The following MBD2 variants were observed in gnomAD, a reference collection of about 807,000 sequenced individuals.
The protein encoded by MBD2 is methyl-CpG binding domain protein 2, also known as methyl-CpG-binding domain protein 2.
Under a neutral mutation model 39.3 loss-of-function variants are expected in MBD2, and 9 were observed. The ratio of observed to expected loss-of-function variants is 0.23; its 90% CI spans 0.14 to 0.40. The LOEUF is 0.40. MBD2 is among the 10% of genes least tolerant of loss of function. The probability of loss-of-function intolerance (pLI) is 1.00; values close to 1 mark genes in which losing one functional copy is unlikely to be tolerated. For missense variants in MBD2, 458 were observed against 532.6 expected (o/e 0.86, Z 1.38); for synonymous variants, 233 against 211.1 (o/e 1.10, Z -0.90).
At chr18:54,167,913 A>C (rs1265319122) in intron 3 of MBD2, among the ~76,000 whole-genome samples, 1 of 151,642 alleles carries the variant, frequency 6.6e-6, no homozygotes, top group Non-Finnish European at 1.5e-5. Context: ...TCTCTGGTGG[A>C]ATAACATCAT....
At chr18:54,217,778 G>A (rs1327120326) in intron 1 of MBD2, among the ~76,000 whole-genome samples, 1 of 152,198 alleles carries the variant, frequency 6.6e-6, no homozygotes, top group Non-Finnish European at 1.5e-5. Flanking sequence ...GAATGTATAT[G>A]CATCAGTTCC....
intron 1 of MBD2, among the ~76,000 whole-genome samples, chr18:54,211,411 A>G (rs564705928): frequency 1.3e-5 from 2 of 151,242 alleles, no homozygotes; most frequent in South Asian, 2.1e-4. Flanking sequence ...ACACACACAC[A>G]CACGCACACA....
At chr18:54,205,494 G>A (rs1312459071) in intron 1 of MBD2, among the ~76,000 whole-genome samples, 2 of 151,502 alleles carry the variant, frequency 1.3e-5, no homozygotes, top group Non-Finnish European at 2.9e-5. Context: ...AGGAAGCTGA[G>A]GCAGGAGAAT....
intron 5 of MBD2, among the ~76,000 whole-genome samples, chr18:54,162,816 T>C (rs1340637338): frequency 1.3e-5 from 2 of 152,240 alleles, no homozygotes; most frequent in East Asian, 1.9e-4. Context: ...TTCATATTCA[T>C]ATGCAATCAA....
chr18:54,220,710 T>C (rs896493601), intron 1 of MBD2, among the ~76,000 whole-genome samples: 1 of 152,218 alleles, frequency 6.6e-6, no homozygotes, highest in Non-Finnish European at 1.5e-5. Flanking sequence ...AATTTTTAAA[T>C]ATGGGGACAC....
At chr18:54,204,051 T>A (rs1356860380) in intron 2 of MBD2, among the ~76,000 whole-genome samples, 2 of 152,236 alleles carry the variant, frequency 1.3e-5, no homozygotes, top group African/African-American at 4.8e-5. Flanking sequence ...CATGCCTTCC[T>A]GGGTCCAAAG....
chr18:54,201,644 C>A (rs968447608), intron 2 of MBD2, among the ~76,000 whole-genome samples: 1 of 151,982 alleles, frequency 6.6e-6, no homozygotes, highest in Non-Finnish European at 1.5e-5. Flanking sequence ...GGGCAGATCA[C>A]GAGGTCAGGA....
chr18:54,205,164 G>A lies in MBD2; in HGVS notation c.543-7C>T. 2 of 1,611,582 alleles carry A rather than the reference G, an allele frequency of 1.2e-6. No homozygotes were observed. The highest frequency in any genetic ancestry group is 1.7e-6 in the Non-Finnish European group (2 of 1,179,108). On this transcript the variant is annotated splice_region_variant and splice_polypyrimidine_tract_variant and intron_variant, in intron 1 of 6. Coordinates refer to ENST00000256429, the MANE Select transcript of MBD2 (RefSeq NM_003927.5). ...GAACTTCTTACCACTTGGACTAGAA[G>A]AAAGTAAGGTTAATTGAACAAAAGG...
intron 2 of MBD2, among the ~76,000 whole-genome samples, chr18:54,189,284 C>T (rs546688206): frequency 2.8e-5 from 4 of 144,302 alleles, no homozygotes; most frequent in Admixed American, 1.5e-4. Context: ...AGTGCAGTGG[C>T]GCGATCTAGG....
At chr18:54,193,971 G>T (rs1243868196) in intron 2 of MBD2, among the ~76,000 whole-genome samples, 1 of 152,070 alleles carries the variant, frequency 6.6e-6, no homozygotes, top group Admixed American at 6.5e-5. Context: ...CTCAGTAAAG[G>T]TGAGTCTGAA....
Position 54,164,719 on chromosome 18 carries a change from A to G in MBD2, c.932-19T>C, listed in dbSNP as rs1472307852. The G allele has an allele frequency of 4.4e-6, 7 of 1,588,390 alleles. No homozygotes were observed. Among genetic ancestry groups the G allele is most frequent in the Admixed American group, 3.4e-5 (2 of 59,622 alleles). ...CCAACTCCTGCAATGAGAAACAAGTACTAGTTAAAGGAAATGTCTCAATGT... is the reference window on the plus strand; with the variant it reads ...CCAACTCCTGCAATGAGAAACAAGTGCTAGTTAAAGGAAATGTCTCAATGT... On this transcript the variant is annotated intron_variant, in intron 4 of 6. Coordinates refer to ENST00000256429, the MANE Select transcript of MBD2 (RefSeq NM_003927.5).
chr18:54,169,574 C>A (rs1415823239), intron 3 of MBD2, among the ~76,000 whole-genome samples: 1 of 152,146 alleles, frequency 6.6e-6, no homozygotes, highest in Non-Finnish European at 1.5e-5. Flanking sequence ...CAGTAATATT[C>A]AAAAGGTGAG....
chr18:54,191,554 G>C (rs568340319), intron 2 of MBD2, among the ~76,000 whole-genome samples: 24 of 152,292 alleles, frequency 1.6e-4, no homozygotes, highest in African/African-American at 5.8e-4. Flanking sequence ...TCCAGTAGTG[G>C]CCTCAGGGTC....
Position 54,162,915 on chromosome 18 carries a change from C to A in MBD2, c.1109+1608G>T, listed in dbSNP as rs570121854. Among the ~76,000 whole-genome samples, 46 of 152,208 alleles carry A rather than the reference C, an allele frequency of 3.0e-4. No individual in the cohort carries two copies. In the East Asian group the frequency reaches 7.5e-3, roughly 25 times the overall value. On this transcript the variant is annotated intron_variant, in intron 5 of 6. Transcript: ENST00000256429. ...AAGGGCTTTCCCATTATAAACCTAGCTAGACTTACCCATTTAAAAAAACTT... is the reference window on the plus strand; with the variant it reads ...AAGGGCTTTCCCATTATAAACCTAGATAGACTTACCCATTTAAAAAAACTT...
chr18:54,187,752 C>G (rs998676657), intron 3 of MBD2: 5 of 985,728 alleles, frequency 5.1e-6, no homozygotes, highest in Non-Finnish European at 6.0e-6. Flanking sequence ...AACAGTAAAG[C>G]AAGTTTAGAA....
At chr18:54,183,466 G>A (rs1204237982) in intron 3 of MBD2, among the ~76,000 whole-genome samples, 1 of 151,984 alleles carries the variant, frequency 6.6e-6, no homozygotes, top group African/African-American at 2.4e-5. Flanking sequence ...AAAGTATGAA[G>A]GAAAACAAAG....
intron 2 of MBD2, among the ~76,000 whole-genome samples, chr18:54,198,871 C>T (rs2086385432): frequency 6.6e-6 from 1 of 152,184 alleles, no homozygotes; most frequent in Non-Finnish European, 1.5e-5. Context: ...GTTCTTTGAT[C>T]ATGCATTCTC....
chr18:54,201,779 C>A (rs911845027), intron 2 of MBD2, among the ~76,000 whole-genome samples: 3 of 150,230 alleles, frequency 2.0e-5, no homozygotes, highest in Admixed American at 2.0e-4. Flanking sequence ...AGGAGAATGG[C>A]GTGAACCTGG....
chr18:54,180,738 C>T (rs888595433), intron 3 of MBD2, among the ~76,000 whole-genome samples: 2 of 151,950 alleles, frequency 1.3e-5, no homozygotes, highest in African/African-American at 2.4e-5. Context: ...TTTAAAAACA[C>T]TATTCGATTT....
Sources: allele counts gnomAD v4.1 joint callset (sites outside exome capture counted in the v4.1 genomes callset), GRCh38; gene constraint gnomAD v4.1.1; transcripts MANE v1.5; gene names NCBI Gene and HGNC (gene_info 2026-07-23, HGNC 2026-07-21).